Variants in CACNA1E observed in about 807,000 individuals in gnomAD.
CACNA1E encodes voltage-dependent R-type calcium channel subunit alpha-1E.
In CACNA1E, 40 loss-of-function variants were observed where a neutral mutation model predicts 259.2. The observed-to-expected ratio is 0.15, with a 90% CI of 0.12 to 0.20. The LOEUF is 0.20. Ranked by LOEUF, CACNA1E falls within the 10% of genes least tolerant of loss-of-function variation. The pLI is 1.00. For missense variants in CACNA1E, 1,874 were observed against 3,040.1 expected, an observed-to-expected ratio of 0.62 and a Z score of 9.02; for synonymous variants, 1,104 against 1,138.5, an observed-to-expected ratio of 0.97 and a Z score of 0.61.
intron 35 of CACNA1E, among the ~76,000 whole-genome samples, chr1:181,768,778 CAG>C (rs1289903296): frequency 6.6e-6 from 1 of 152,138 alleles, no homozygotes; most frequent in Non-Finnish European, 1.5e-5. Flanking sequence ...TGGTCTATGA[CAG>C]AGACACAGCA....
upstream of CACNA1E, among the ~76,000 whole-genome samples, chr1:181,481,181 G>A (rs193223633): frequency 8.9e-4 from 136 of 152,260 alleles, no homozygotes; most frequent in Non-Finnish European, 1.7e-3. Context: ...AGGCAGTAAT[G>A]TGAAATCAAA....
At chr1:181,506,143 G>T (rs1245567824) in intron 1 of CACNA1E, among the ~76,000 whole-genome samples, 2 of 152,252 alleles carry the variant, frequency 1.3e-5, no homozygotes, top group Non-Finnish European at 2.9e-5. Context: ...GTCCCTGATT[G>T]TGGTTGCCAT....
intron 39 of CACNA1E, among the ~76,000 whole-genome samples, chr1:181,782,183 A>G (rs971205119): frequency 6.6e-6 from 1 of 152,224 alleles, no homozygotes; most frequent in Admixed American, 6.5e-5. Flanking sequence ...GAAATACTCA[A>G]AAGGAAGGGA....
At chr1:181,392,652 G>A (rs939087770) in intron 1 of CACNA1E, among the ~76,000 whole-genome samples, 2 of 152,174 alleles carry the variant, frequency 1.3e-5, no homozygotes, top group African/African-American at 4.8e-5. Context: ...AAACAAAGGA[G>A]AAGAAGCTGA....
intron 1 of CACNA1E, among the ~76,000 whole-genome samples, chr1:181,336,418 TAG>T (rs1220999991): frequency 6.6e-6 from 1 of 152,232 alleles, no homozygotes. Flanking sequence ...AACTGAGGCT[TAG>T]AAATGTTAAG....
chr1:181,350,595 G>A (rs1652970357), intron 1 of CACNA1E, among the ~76,000 whole-genome samples: 1 of 152,148 alleles, frequency 6.6e-6, no homozygotes, highest in African/African-American at 2.4e-5. Context: ...TCCCTTGGCA[G>A]CATTGGTCAT....
intron 2 of CACNA1E, among the ~76,000 whole-genome samples, chr1:181,427,465 C>T (rs1356283900): frequency 2.0e-5 from 3 of 150,128 alleles, no homozygotes; most frequent in Non-Finnish European, 4.4e-5. Context: ...CCTAACCCCT[C>T]CCACCTCAAC....
chr1:181,399,870 A>T (rs1656965651), intron 1 of CACNA1E, among the ~76,000 whole-genome samples: 1 of 152,254 alleles, frequency 6.6e-6, no homozygotes, highest in Non-Finnish European at 1.5e-5. Context: ...ACAAATCACA[A>T]TTTCATGGAT....
At chr1:181,716,951 G>A (rs753840176) in intron 10 of CACNA1E, 142 bp from the exon 11 acceptor site, 133 of 666,542 alleles carry the variant, frequency 2.0e-4, no homozygotes, top group Admixed American at 2.6e-4. Context: ...TACTGAGCCC[G>A]TAAGATGGGG....
At chr1:181,779,323 C>T in intron 38 of CACNA1E, 1 of 264,340 alleles carries the variant, frequency 3.8e-6, no homozygotes, top group Non-Finnish European at 8.0e-6. Context: ...TCTGGCTTTG[C>T]CAGGCCCAAG....
At chr1:181,628,620 A>G (rs1412878189) in intron 6 of CACNA1E, among the ~76,000 whole-genome samples, 1 of 152,214 alleles carries the variant, frequency 6.6e-6, no homozygotes, top group Non-Finnish European at 1.5e-5. Flanking sequence ...AAAAGTGAAT[A>G]TTTAGACTTT....
intron 6 of CACNA1E, among the ~76,000 whole-genome samples, chr1:181,606,699 G>A (rs538562234): frequency 3.9e-5 from 6 of 152,256 alleles, no homozygotes; most frequent in African/African-American, 9.6e-5. Context: ...TCCATAAGAC[G>A]AGTGGCCTCT....
At chr1:181,510,768 G>C (rs1408015516) in intron 2 of CACNA1E, among the ~76,000 whole-genome samples, 186 bp downstream of exon 2, 1 of 152,220 alleles carries the variant, frequency 6.6e-6, no homozygotes, top group Non-Finnish European at 1.5e-5. Context: ...TACAAACACT[G>C]TGTCTGTGCT....
rs1164998682 is a variant in CACNA1E at position 181,798,918 on chromosome 1, G to A, written c.*84G>A. On this transcript the variant is annotated 3_prime_UTR_variant, in exon 48 of 48. Transcript: ENST00000367573. The surrounding 1 kb of genome is among the most constrained non-coding windows in gnomAD (Gnocchi z 4.2). Reference sequence around the variant, plus strand: ...TTGGGAAGCCAGTGCGGCCCGGGGGGGAGGAAGAGGGAAAAGGAAGATGGA... The same window carrying A: ...TTGGGAAGCCAGTGCGGCCCGGGGGAGAGGAAGAGGGAAAAGGAAGATGGA... 11 of 1,236,448 alleles carry A rather than the reference G, an allele frequency of 8.9e-6. No individual in the cohort carries two copies. In the Admixed American group the frequency reaches 1.8e-4, roughly 20 times the overall value. The allele number at this position is 1,236,448 out of a possible 1,614,324, so 76.6% of individuals were successfully genotyped here. A position where few individuals can be genotyped will look rare whatever the true frequency, so the allele number is the denominator to read the frequency against.
intron 1 of CACNA1E, among the ~76,000 whole-genome samples, chr1:181,408,730 G>T (rs895198745): frequency 6.6e-6 from 1 of 152,208 alleles, no homozygotes; most frequent in South Asian, 2.1e-4. Context: ...ACCAAACTTA[G>T]CAATGAAGAA....
At position 181,671,727 on chromosome 1, in the gene CACNA1E, TAAAC is replaced by T. The variant is rs538283934; in HGVS notation, c.1055+20306_1055+20309del. On this transcript the variant is annotated intron_variant, in intron 7 of 47. Transcript: ENST00000367573. ...GATGTGATTTACCAACCAACTGGGC[TAAAC>T]AAACAAACAAACAAACAAAAACCGG... is the stretch of plus-strand genomic sequence containing the variant. Among the ~76,000 whole-genome samples, 40 of 152,272 alleles carry T rather than the reference TAAAC, an allele frequency of 2.6e-4. No homozygotes were observed. The East Asian group carries it at 3.1e-3, about 12-fold the overall frequency.
rs1666061751 is a variant in CACNA1E, at chr1:181,510,351, C to T, written c.267-126C>T. ...ACTGTCTTGCCTGCCTGCCTGTTTA[C>T]AAATAAAAATCATGCAAACTGCACA... On this transcript the variant is annotated intron_variant, in intron 1 of 47. Coordinates refer to ENST00000367573, the MANE Select transcript of CACNA1E (RefSeq NM_001205293.3). The T allele has an allele frequency of 7.2e-6, 5 of 689,802 alleles. No homozygotes were observed. In the East Asian group the frequency reaches 1.4e-4, roughly 19 times the overall value. The allele number at this position is 689,802 out of a possible 1,614,324, so 42.7% of individuals were successfully genotyped here. A position where few individuals can be genotyped will look rare whatever the true frequency, so the allele number is the denominator to read the frequency against.
At chr1:181,387,621 C>T (rs961055138) in intron 1 of CACNA1E, among the ~76,000 whole-genome samples, 1 of 152,198 alleles carries the variant, frequency 6.6e-6, no homozygotes, top group East Asian at 1.9e-4. Flanking sequence ...CTAGTTCTCT[C>T]TAACTGGAAG....
intron 2 of CACNA1E, among the ~76,000 whole-genome samples, chr1:181,473,584 A>T (rs555304239): frequency 6.6e-6 from 1 of 152,298 alleles, no homozygotes; most frequent in African/African-American, 2.4e-5. Context: ...TTTGCATGTA[A>T]GGATATAAAC....
Sources: allele counts gnomAD v4.1 joint callset (sites outside exome capture counted in the v4.1 genomes callset), GRCh38; gene constraint gnomAD v4.1.1; non-coding constraint Gnocchi (gnomAD v3.1); transcripts MANE v1.5; gene names NCBI Gene and HGNC (gene_info 2026-07-23, HGNC 2026-07-21).